RBBP8: variants seen among roughly 807,000 people sequenced by gnomAD.
RBBP8 encodes the protein DNA endonuclease RBBP8.
In RBBP8, 88 loss-of-function variants were observed where a neutral mutation model predicts 108.3. That is an observed-to-expected ratio of 0.81 (90% CI 0.68 to 0.97). The LOEUF (loss-of-function observed/expected upper bound fraction) is 0.97, where lower values mean the gene tolerates loss of function less well. RBBP8 is among the 50% of genes least tolerant of loss of function. The pLI is 0.00. For synonymous variants in RBBP8, 332 were observed against 348.2 expected (o/e 0.95, Z 0.52); for missense variants, 1,023 against 1,049.0 (o/e 0.98, Z 0.34).
At chr18:22,986,448 CAG>C (rs1286026250) in intron 8 of RBBP8, among the ~76,000 whole-genome samples, 1 of 152,028 alleles carries the variant, frequency 6.6e-6, no homozygotes, top group Non-Finnish European at 1.5e-5. Context: ...AAACTAAGGA[CAG>C]AGAAAGTGGA....
intron 15 of RBBP8, 97 bp downstream of exon 15, chr18:23,001,826 A>C: frequency 7.0e-7 from 1 of 1,437,886 alleles, no homozygotes; most frequent in South Asian, 1.2e-5. Context: ...ACATATCAAC[A>C]ATTGAAGTTT....
intron 6 of RBBP8, among the ~76,000 whole-genome samples, chr18:22,981,817 A>G (rs768635583): frequency 8.5e-5 from 13 of 152,178 alleles, no homozygotes; most frequent in Non-Finnish European, 1.9e-4. Flanking sequence ...TCCAAGCTCT[A>G]AAACCTTAAT....
rs571899358 is a variant in RBBP8, at chr18:23,012,162, C to T, written c.2358-4666C>T. 4.4e-5 allele frequency among the ~76,000 whole-genome samples: 6 copies of T among 137,394 alleles called. No individual in the cohort carries two copies. In the South Asian group the frequency reaches 9.9e-4, roughly 23 times the overall value. The allele number at this position is 137,394 out of a possible 152,430, so 90.1% of individuals were successfully genotyped here. A position where few individuals can be genotyped will look rare whatever the true frequency, so the allele number is the denominator to read the frequency against. ...GAGGTCGAGACTAGTGAGCTGTGAT[C>T]GCGCCACTGCACTCCAGCCTGGGAG... is the stretch of plus-strand genomic sequence containing the variant. On this transcript the variant is annotated intron_variant, in intron 16 of 18. Coordinates refer to ENST00000327155, the MANE Select transcript of RBBP8 (RefSeq NM_002894.3).
At chr18:22,994,717 T>TATTA (rs1567986655) in intron 12 of RBBP8, among the ~76,000 whole-genome samples, 2 of 150,964 alleles carry the variant, frequency 1.3e-5, no homozygotes, top group South Asian at 2.1e-4. Context: ...TTTGCTATAT[T>TATTA]TTATTATTAT....
At chr18:23,015,587 T>G (rs1375573598) in intron 16 of RBBP8, among the ~76,000 whole-genome samples, 1 of 152,174 alleles carries the variant, frequency 6.6e-6, no homozygotes, top group Non-Finnish European at 1.5e-5. Context: ...GTTTTATAGT[T>G]TTGGGTCTTA....
At chr18:22,992,508 T>C (rs1292630834) in intron 10 of RBBP8, among the ~76,000 whole-genome samples, 2 of 152,216 alleles carry the variant, frequency 1.3e-5, no homozygotes, top group Admixed American at 1.3e-4. Context: ...AGATGATTTT[T>C]TGTATAATAA....
At chr18:22,975,114 A>C in intron 5 of RBBP8, 39 bp from the exon 6 acceptor site, 4 of 1,566,622 alleles carry the variant, frequency 2.6e-6, no homozygotes, top group Non-Finnish European at 3.5e-6. Flanking sequence ...ATGTTAATAT[A>C]AATATATTAT....
chr18:22,922,291 G>C (rs1465687676), intron 3 of RBBP8, among the ~76,000 whole-genome samples: 1 of 151,922 alleles, frequency 6.6e-6, no homozygotes, highest in East Asian at 1.9e-4. Flanking sequence ...ATTTCTGTTA[G>C]AATAACTAAA....
intron 4 of RBBP8, among the ~76,000 whole-genome samples, chr18:22,955,735 G>A (rs113541371): frequency 0.019 from 2,737 of 147,140 alleles, 41 homozygotes; most frequent in Non-Finnish European, 0.03. Flanking sequence ...CCACTGCCTC[G>A]CCCGGCTAAT....
At chr18:22,939,457 C>T (rs1384612198) in intron 2 of RBBP8, among the ~76,000 whole-genome samples, 2 of 151,824 alleles carry the variant, frequency 1.3e-5, no homozygotes, top group Admixed American at 6.6e-5. Flanking sequence ...ACCCAGGAGG[C>T]GGAGGTTGCA....
chr18:23,006,125 G>T (rs1056133224), intron 15 of RBBP8, among the ~76,000 whole-genome samples: 4 of 151,812 alleles, frequency 2.6e-5, no homozygotes, highest in Non-Finnish European at 5.9e-5. Context: ...GGTGGAGCTT[G>T]CAGTGAGCAG....
At chr18:22,977,269 C>G (rs1317084980) in intron 6 of RBBP8, among the ~76,000 whole-genome samples, 1 of 151,960 alleles carries the variant, frequency 6.6e-6, no homozygotes. Flanking sequence ...TTTCTCTGAT[C>G]ACCTAAACCA....
At chr18:22,997,558 TTAAA>T (rs2045880689) in intron 13 of RBBP8, 58 bp from the exon 14 acceptor site, 1 of 1,033,454 alleles carries the variant, frequency 9.7e-7, no homozygotes, top group Non-Finnish European at 1.5e-6. Flanking sequence ...TTTGTAAAAA[TTAAA>T]TATAAGACCA....
intron 8 of RBBP8, among the ~76,000 whole-genome samples, chr18:22,988,083 A>G (rs1037190670): frequency 6.6e-6 from 1 of 152,128 alleles, no homozygotes; most frequent in African/African-American, 2.4e-5. Context: ...CACCTCCTGC[A>G]TATCTGTTTT....
chr18:22,972,121 T>G (rs1348851181), intron 5 of RBBP8, among the ~76,000 whole-genome samples: 1 of 149,730 alleles, frequency 6.7e-6, no homozygotes, highest in Non-Finnish European at 1.5e-5. Context: ...TTTGGGAAGC[T>G]GAGGTGGGTG....
intron 4 of RBBP8, among the ~76,000 whole-genome samples, chr18:22,968,239 AT>A (rs1913787524): frequency 1.3e-5 from 2 of 151,750 alleles, no homozygotes; most frequent in Admixed American, 6.6e-5. Flanking sequence ...CAGCTGGCTA[AT>A]TTTTGTATTT....
chr18:22,924,224 G>A (rs1286889834), intron 3 of RBBP8, among the ~76,000 whole-genome samples: 1 of 141,396 alleles, frequency 7.1e-6, no homozygotes, highest in Non-Finnish European at 1.5e-5. Context: ...TGCCTCCCTG[G>A]TTCAAGCAAT....
chr18:23,009,728 C>T (rs1019515547), intron 16 of RBBP8, among the ~76,000 whole-genome samples: 1 of 152,020 alleles, frequency 6.6e-6, no homozygotes, highest in Non-Finnish European at 1.5e-5. Context: ...TATAGTCATG[C>T]TATCCATGAC....
At chr18:22,973,416 T>C (rs571632720) in intron 5 of RBBP8, among the ~76,000 whole-genome samples, 10 of 152,272 alleles carry the variant, frequency 6.6e-5, no homozygotes, top group African/African-American at 2.4e-4. Flanking sequence ...AAATCTAAGG[T>C]CATCTTTGAC....
Sources: gnomAD v4.1 joint callset for allele counts (sites outside exome capture counted in the v4.1 genomes callset) on GRCh38, gnomAD v4.1.1 for gene constraint, MANE v1.5 for transcripts, NCBI Gene and HGNC (gene_info 2026-07-23, HGNC 2026-07-21) for gene names.